The following SLC7A14 variants were observed in gnomAD, a reference collection of about 807,000 sequenced individuals.
SLC7A14 encodes gamma-aminobutyric acid transporter SLC7A14.
Under a neutral mutation model 60.2 loss-of-function variants are expected in SLC7A14, and 37 were observed. That is an observed-to-expected ratio of 0.61 (90% CI 0.47 to 0.81). The LOEUF (loss-of-function observed/expected upper bound fraction) is 0.81, where lower values mean the gene tolerates loss of function less well. SLC7A14 is among the 30% of genes least tolerant of loss of function. The pLI is 0.00. For missense variants in SLC7A14, 886 were observed against 982.7 expected (o/e 0.90, Z 1.32); for synonymous variants, 399 against 395.8 (o/e 1.01, Z -0.10).
At chr3:170,551,897 A>G (rs1359465842) in intron 1 of SLC7A14, among the ~76,000 whole-genome samples, 1 of 152,168 alleles carries the variant, frequency 6.6e-6, no homozygotes, top group Non-Finnish European at 1.5e-5. Flanking sequence ...TTGAAGTGCA[A>G]AAGTTTTTTG....
intron 2 of SLC7A14, among the ~76,000 whole-genome samples, chr3:170,507,355 T>C (rs898451669): frequency 1.3e-5 from 2 of 152,190 alleles, no homozygotes; most frequent in Non-Finnish European, 2.9e-5. Context: ...AATAAACAGC[T>C]GATTCCATGT....
chr3:170,579,301 A>C (rs562953684), intron 1 of SLC7A14, among the ~76,000 whole-genome samples: 36 of 152,360 alleles, frequency 2.4e-4, no homozygotes, highest in African/African-American at 8.7e-4. Context: ...AAATATTGAC[A>C]TAATAATATG....
chr3:170,551,496 A>C (rs947754458), intron 1 of SLC7A14, among the ~76,000 whole-genome samples: 11 of 152,334 alleles, frequency 7.2e-5, no homozygotes, highest in Admixed American at 5.9e-4. Context: ...CCAAGACAGC[A>C]GCACCACTTT....
chr3:170,526,002 G>T (rs1233193497), intron 2 of SLC7A14, among the ~76,000 whole-genome samples: 3 of 151,920 alleles, frequency 2.0e-5, no homozygotes, highest in Non-Finnish European at 4.4e-5. Flanking sequence ...GCTTGAACCC[G>T]GGAGGTGGAG....
chr3:170,508,821 G>A (rs2108284572), intron 2 of SLC7A14, among the ~76,000 whole-genome samples: 1 of 152,282 alleles, frequency 6.6e-6, no homozygotes, highest in Admixed American at 6.5e-5. Flanking sequence ...GGTATGAAGA[G>A]AAATCACAGG....
At chr3:170,563,292 C>A (rs1392220255) in intron 1 of SLC7A14, among the ~76,000 whole-genome samples, 1 of 152,022 alleles carries the variant, frequency 6.6e-6, no homozygotes, top group Non-Finnish European at 1.5e-5. Context: ...CATATCTCAC[C>A]TTCACCTCCC....
intron 1 of SLC7A14, among the ~76,000 whole-genome samples, chr3:170,577,016 T>C (rs1365100553): frequency 6.6e-6 from 1 of 152,210 alleles, no homozygotes; most frequent in Non-Finnish European, 1.5e-5. Context: ...TCAACCCTGG[T>C]TCAGAATTGG....
chr3:170,469,322 C>T (rs1240063738), intron 7 of SLC7A14, among the ~76,000 whole-genome samples: 3 of 152,070 alleles, frequency 2.0e-5, no homozygotes, highest in Non-Finnish European at 4.4e-5. Flanking sequence ...ATGACTTTGT[C>T]CCCCCTCCCT....
chr3:170,489,830 A>T (rs915312229), intron 4 of SLC7A14, among the ~76,000 whole-genome samples: 8 of 152,184 alleles, frequency 5.3e-5, no homozygotes, highest in African/African-American at 1.9e-4. Flanking sequence ...AAGCAAAATA[A>T]ATCAGGCATG....
chr3:170,477,075 T>C (rs1711639251), intron 7 of SLC7A14, among the ~76,000 whole-genome samples: 1 of 152,254 alleles, frequency 6.6e-6, no homozygotes, highest in Non-Finnish European at 1.5e-5. Flanking sequence ...TGTGTGCCCA[T>C]GAGGCCAGCC....
At chr3:170,551,152 G>A (rs189183657) in intron 1 of SLC7A14, among the ~76,000 whole-genome samples, 1 of 152,110 alleles carries the variant, frequency 6.6e-6, no homozygotes, top group East Asian at 1.9e-4. Context: ...ATTATATGTG[G>A]CCTTTTGTAT....
chr3:170,486,490 G>A, intron 4 of SLC7A14, 122 bp from the exon 5 acceptor site: 1 of 1,238,556 alleles, frequency 8.1e-7, no homozygotes, highest in Admixed American at 1.9e-5. Context: ...GAGTAACATG[G>A]TGGAACTCGT....
At position 170,463,348 on chromosome 3, in the gene SLC7A14, G is replaced by A. The variant is rs917703350; in HGVS notation, c.*3707C>T. 2 of 151,926 alleles carry A rather than the reference G, an allele frequency of 1.3e-5. No homozygotes were observed. The highest frequency in any genetic ancestry group is 4.8e-5 in the African/African-American group (2 of 41,346). 9.4% of individuals were successfully genotyped at this position (151,926 alleles called of 1,614,324 possible). A position where few individuals can be genotyped will look rare whatever the true frequency, so the allele number is the denominator to read the frequency against. ...GCATGCCTTTCTCTCATTTCTACTT[G>A]ATAAAATTCTACCCACTTCACAAGT... On this transcript the variant is annotated 3_prime_UTR_variant, in exon 8 of 8. Transcript: ENST00000231706.
At chr3:170,563,183 T>G (rs1450334815) in intron 1 of SLC7A14, among the ~76,000 whole-genome samples, 1 of 152,130 alleles carries the variant, frequency 6.6e-6, no homozygotes, top group Non-Finnish European at 1.5e-5. Flanking sequence ...CTTGAAGAAT[T>G]GCATCTCAAC....
chr3:170,522,927 T>A (rs1247353548), intron 2 of SLC7A14, among the ~76,000 whole-genome samples: 1 of 152,252 alleles, frequency 6.6e-6, no homozygotes, highest in African/African-American at 2.4e-5. Context: ...ATCAACAGAT[T>A]TGAATGTGGG....
rs1363550224 is a variant in SLC7A14, at chr3:170,551,859, A to G, written c.-152-24771T>C. ...TCCTTTTCACTTTCTTAAAGATTTCATTCTTTTCACTTTCTTAAAGGTTTC... is the reference window on the plus strand; with the variant it reads ...TCCTTTTCACTTTCTTAAAGATTTCGTTCTTTTCACTTTCTTAAAGGTTTC... On this transcript the variant is annotated intron_variant, in intron 1 of 7. Coordinates refer to ENST00000231706, the MANE Select transcript of SLC7A14 (RefSeq NM_020949.3). 2.0e-5 allele frequency among the ~76,000 whole-genome samples: 3 copies of G among 152,252 alleles called. No individual in the cohort carries two copies. The East Asian group carries it at 5.8e-4, about 29-fold the overall frequency.
rs1377473891 is a variant in SLC7A14 at position 170,460,028 on chromosome 3, A to G, written c.*7027T>C. 1 of 152,220 alleles carries G rather than the reference A, an allele frequency of 6.6e-6. No homozygotes were observed. Among genetic ancestry groups the G allele is most frequent in the Non-Finnish European group, 1.5e-5 (1 of 68,040 alleles). The allele number at this position is 152,220 out of a possible 1,614,324, so 9.4% of individuals were successfully genotyped here. A position where few individuals can be genotyped will look rare whatever the true frequency, so the allele number is the denominator to read the frequency against. ...CACATTTGAAAATAAAACACATTTC[A>G]TAATACATCTGCATATTATTTCTTT... On this transcript the variant is annotated 3_prime_UTR_variant, in exon 8 of 8. Coordinates refer to ENST00000231706, the MANE Select transcript of SLC7A14 (RefSeq NM_020949.3).
intron 4 of SLC7A14, among the ~76,000 whole-genome samples, chr3:170,488,678 T>C (rs1314076184): frequency 6.6e-6 from 1 of 152,198 alleles, no homozygotes; most frequent in African/African-American, 2.4e-5. Context: ...TTATCTCTCA[T>C]CATCTACAAA....
At chr3:170,515,631 G>T (rs189400998) in intron 2 of SLC7A14, among the ~76,000 whole-genome samples, 10,158 of 151,916 alleles carry the variant, frequency 0.067, 404 homozygotes, top group South Asian at 0.092. Flanking sequence ...TGTTGGGGTG[G>T]GGGGGGAGTT....
Sources: gnomAD v4.1 joint callset for allele counts (sites outside exome capture counted in the v4.1 genomes callset) on GRCh38, gnomAD v4.1.1 for gene constraint, MANE v1.5 for transcripts, NCBI Gene and HGNC (gene_info 2026-07-23, HGNC 2026-07-21) for gene names.